PLAC1: variants seen among roughly 807,000 people sequenced by gnomAD.
PLAC1 encodes the protein placenta associated 1.
For synonymous variants in PLAC1, 68 were observed against 62.1 expected, an observed-to-expected ratio of 1.09 and a Z score of -0.44; for missense variants, 136 against 163.2, an observed-to-expected ratio of 0.83 and a Z score of 0.91.
upstream of PLAC1, among the ~76,000 whole-genome samples, chrX:134,662,996 CT>C (rs1330876994): frequency 3.6e-5 from 4 of 112,083 alleles, no homozygotes; most frequent in African/African-American, 1.3e-4. Context: ...TTGACGACCC[CT>C]GATCTAGGCT....
intron 2 of PLAC1, among the ~76,000 whole-genome samples, chrX:134,687,372 C>A (rs1370367379): frequency 9.0e-6 from 1 of 110,945 alleles, no homozygotes; most frequent in East Asian, 2.9e-4. Flanking sequence ...TTTTTTAAAA[C>A]CTTACGAGTT....
At chrX:134,640,640 T>G (rs1327593206) in intron 1 of PLAC1, among the ~76,000 whole-genome samples, 1 of 111,854 alleles carries the variant, frequency 8.9e-6, no homozygotes, top group Admixed American at 9.5e-5. Context: ...CATATTCAAG[T>G]CAAGGTGCCA....
At chrX:134,646,004 T>C (rs1221761064) in intron 1 of PLAC1, among the ~76,000 whole-genome samples, 1 of 112,077 alleles carries the variant, frequency 8.9e-6, no homozygotes, top group Non-Finnish European at 1.9e-5. Context: ...CAACTTACAA[T>C]TGTGCAAAAT....
intron 2 of PLAC1, among the ~76,000 whole-genome samples, chrX:134,700,529 T>C (rs1293489770): frequency 1.8e-5 from 2 of 111,759 alleles, no homozygotes; most frequent in Non-Finnish European, 3.8e-5. Context: ...TATGAGTCTA[T>C]ACCTAGAAAA....
intron 2 of PLAC1, among the ~76,000 whole-genome samples, chrX:134,672,419 G>T (rs1218479531): frequency 8.9e-6 from 1 of 111,739 alleles, no homozygotes; most frequent in Non-Finnish European, 1.9e-5. Flanking sequence ...GTACTTCCTT[G>T]TATACTCTCT....
At chrX:134,714,761 G>C (rs1405909998) in intron 2 of PLAC1, among the ~76,000 whole-genome samples, 1 of 111,542 alleles carries the variant, frequency 9.0e-6, no homozygotes, top group Admixed American at 9.5e-5. Context: ...TTGAGTGACT[G>C]GCTTATTTCA....
intron 2 of PLAC1, among the ~76,000 whole-genome samples, chrX:134,673,559 T>G (rs1461101852): frequency 9.1e-6 from 1 of 109,710 alleles, no homozygotes; most frequent in Non-Finnish European, 1.9e-5. Context: ...GTAGACCAAA[T>G]GATTCCAAAT....
At chrX:134,740,273 C>T (rs144831775) in intron 1 of PLAC1, among the ~76,000 whole-genome samples, 4,421 of 104,603 alleles carry the variant, frequency 0.042, 137 homozygotes, top group African/African-American at 0.1. Flanking sequence ...GCCAAGATCG[C>T]GCCATTGCAC....
chrX:134,599,838 A>G (rs1014729078), intron 2 of PLAC1, among the ~76,000 whole-genome samples: 1 of 111,661 alleles, frequency 9.0e-6, no homozygotes, highest in Non-Finnish European at 1.9e-5. Context: ...GCAGGTAGCC[A>G]TTAGTACACA....
chrX:134,598,329 T>G (rs993179638), intron 2 of PLAC1, among the ~76,000 whole-genome samples: 2 of 112,243 alleles, frequency 1.8e-5, no homozygotes, highest in African/African-American at 6.5e-5. Context: ...ACAGATTCCT[T>G]GAGTCTGTAC....
intron 1 of PLAC1, among the ~76,000 whole-genome samples, chrX:134,752,909 A>T (rs2078748005): frequency 8.9e-6 from 1 of 111,902 alleles, no homozygotes; most frequent in South Asian, 3.8e-4. Context: ...TGTATATATG[A>T]GATAATTGAC....
chrX:134,646,229 A>T (rs1309544625), intron 1 of PLAC1, among the ~76,000 whole-genome samples: 1 of 111,891 alleles, frequency 8.9e-6, no homozygotes, highest in Non-Finnish European at 1.9e-5. Context: ...CTCTTCTGAA[A>T]TTCTTGGACT....
intron 2 of PLAC1, among the ~76,000 whole-genome samples, chrX:134,717,498 C>T (rs773457877): frequency 8.9e-6 from 1 of 111,800 alleles, no homozygotes; most frequent in East Asian, 2.8e-4. Flanking sequence ...TGACCTCAAG[C>T]GATCCGCCTG....
chrX:134,702,384 G>T (rs2078586477), intron 2 of PLAC1, among the ~76,000 whole-genome samples: 1 of 112,200 alleles, frequency 8.9e-6, no homozygotes, highest in Admixed American at 9.4e-5. Context: ...AGAAAATGTG[G>T]TGCATATACA....
intron 1 of PLAC1, among the ~76,000 whole-genome samples, chrX:134,633,646 T>A (rs964132899): frequency 1.8e-5 from 2 of 111,504 alleles, no homozygotes; most frequent in Admixed American, 1.9e-4. Flanking sequence ...ATATTATTTT[T>A]CTCTTCTAAT....
At chrX:134,675,919 C>T (rs1415327956) in intron 2 of PLAC1, among the ~76,000 whole-genome samples, 2 of 111,560 alleles carry the variant, frequency 1.8e-5, no homozygotes, top group African/African-American at 6.5e-5. Context: ...AGAATACGGG[C>T]TCGCAGAGGC....
At chrX:134,591,236 T>C (rs1206915845) in intron 2 of PLAC1, among the ~76,000 whole-genome samples, 1 of 112,389 alleles carries the variant, frequency 8.9e-6, no homozygotes, top group African/African-American at 3.2e-5. Flanking sequence ...TGTGTGTGTG[T>C]GTGTACACAT....
intron 2 of PLAC1, among the ~76,000 whole-genome samples, chrX:134,704,242 C>G (rs1602923685): frequency 9.2e-6 from 1 of 108,832 alleles, no homozygotes; most frequent in East Asian, 2.9e-4. Flanking sequence ...ACCTGTAATC[C>G]CAGCACTTCA....
chrX:134,613,468 A>T (rs1437270221), intron 1 of PLAC1, among the ~76,000 whole-genome samples: 2 of 110,603 alleles, frequency 1.8e-5, no homozygotes, highest in Non-Finnish European at 3.8e-5. Context: ...ACTTGCACAT[A>T]AGTTAGGGCA....
Sources: gnomAD v4.1 joint callset for allele counts (sites outside exome capture counted in the v4.1 genomes callset) on GRCh38, gnomAD v4.1.1 for gene constraint, MANE v1.5 for transcripts, NCBI Gene and HGNC (gene_info 2026-07-23, HGNC 2026-07-21) for gene names.